Variants in CDH12 observed in about 807,000 individuals in gnomAD.
The protein encoded by CDH12 is cadherin 12.
Under a neutral mutation model 74.1 loss-of-function variants are expected in CDH12, and 41 were observed. The observed-to-expected ratio is 0.55, with a 90% confidence interval of 0.43 to 0.72. The LOEUF (loss-of-function observed/expected upper bound fraction) is 0.72, where lower values mean the gene tolerates loss of function less well. CDH12 is among the 30% of genes least tolerant of loss of function. The pLI, the probability that CDH12 is intolerant of heterozygous loss-of-function variation, is 0.00. For missense variants in CDH12, 945 were observed against 977.2 expected (o/e 0.97, Z 0.44); for synonymous variants, 399 against 355.0 (o/e 1.12, Z -1.39).
At chr5:22,551,061 A>G (rs1280819843) in intron 1 of CDH12, among the ~76,000 whole-genome samples, 1 of 152,220 alleles carries the variant, frequency 6.6e-6, no homozygotes, top group Non-Finnish European at 1.5e-5. Flanking sequence ...TAGTAATAAT[A>G]GGATGATTTC....
intron 1 of CDH12, among the ~76,000 whole-genome samples, chr5:22,554,241 A>G (rs1374854051): frequency 1.3e-5 from 2 of 152,144 alleles, no homozygotes; most frequent in African/African-American, 4.8e-5. Context: ...AATACATGTT[A>G]TTATACATTA....
At chr5:21,990,498 T>A (rs1370908356) in intron 5 of CDH12, among the ~76,000 whole-genome samples, 1 of 151,956 alleles carries the variant, frequency 6.6e-6, no homozygotes, top group African/African-American at 2.4e-5. Flanking sequence ...ATTTGGAGAA[T>A]ACTGTAGAGA....
At chr5:22,299,264 G>C (rs1030392167) in intron 3 of CDH12, among the ~76,000 whole-genome samples, 9 of 152,046 alleles carry the variant, frequency 5.9e-5, no homozygotes, top group African/African-American at 2.2e-4. Flanking sequence ...GGGTTGGAGA[G>C]AGAGAGATAG....
chr5:22,757,213 A>G (rs1745971799), intron 1 of CDH12, among the ~76,000 whole-genome samples: 1 of 152,130 alleles, frequency 6.6e-6, no homozygotes, highest in South Asian at 2.1e-4. Context: ...GGTAGAGCAC[A>G]TACCACCCCT....
At chr5:22,280,594 C>A (rs1184551227) in intron 3 of CDH12, among the ~76,000 whole-genome samples, 1 of 152,166 alleles carries the variant, frequency 6.6e-6, no homozygotes, top group African/African-American at 2.4e-5. Flanking sequence ...ACTATAAACA[C>A]CTCTATGCAA....
intron 4 of CDH12, among the ~76,000 whole-genome samples, chr5:22,164,525 C>G (rs1215883184): frequency 3.3e-5 from 5 of 152,134 alleles, no homozygotes; most frequent in Non-Finnish European, 5.9e-5. Context: ...GAAAGCTCAG[C>G]TCAAGCCGTA....
intron 1 of CDH12, among the ~76,000 whole-genome samples, chr5:22,793,783 C>G (rs1324978934): frequency 1.3e-5 from 2 of 150,896 alleles, no homozygotes; most frequent in Admixed American, 6.6e-5. Flanking sequence ...ATTTATGGAA[C>G]CACCATCAGA....
rs189889683 is a variant in CDH12, at chr5:22,428,014, T to C, written c.-427-22663A>G. On this transcript the variant is annotated intron_variant, in intron 2 of 14. Coordinates refer to ENST00000382254, the MANE Select transcript of CDH12 (RefSeq NM_004061.5). ...GAGGGACTACTAGTAGGTTCTACTA[T>C]AGTGTTTACTTAACTGGACCCAGTT... is the stretch of plus-strand genomic sequence containing the variant. Among the ~76,000 whole-genome samples the C allele has an allele frequency of 2.0e-5, 3 of 152,276 alleles. No individual in the cohort carries two copies. In the East Asian group the frequency reaches 5.8e-4, roughly 29 times the overall value.
intron 12 of CDH12, among the ~76,000 whole-genome samples, chr5:21,761,359 C>A (rs1010210535): frequency 6.6e-6 from 1 of 152,092 alleles, no homozygotes; most frequent in Non-Finnish European, 1.5e-5. Context: ...TGAGAATCAA[C>A]CTGTGAAATT....
intron 1 of CDH12, among the ~76,000 whole-genome samples, chr5:22,693,275 C>T (rs968341770): frequency 6.6e-5 from 10 of 152,082 alleles, no homozygotes; most frequent in South Asian, 2.1e-4. Flanking sequence ...CATATGGCAC[C>T]GTATTGCAAG....
intron 1 of CDH12, among the ~76,000 whole-genome samples, chr5:22,576,883 T>G (rs1176765824): frequency 6.6e-6 from 1 of 152,174 alleles, no homozygotes; most frequent in Admixed American, 6.5e-5. Flanking sequence ...CTAGCAGAGT[T>G]TGCTTTACGA....
chr5:21,974,992 T>C (rs1756998212), intron 6 of CDH12, 99 bp downstream of exon 6: 7 of 804,162 alleles, frequency 8.7e-6, no homozygotes, highest in Non-Finnish European at 1.4e-5. Context: ...TTGAAAAATA[T>C]TCTTTTAGAT....
At chr5:22,122,943 A>T (rs4701571) in intron 4 of CDH12, among the ~76,000 whole-genome samples, 71,905 of 152,050 alleles carry the variant, frequency 0.47, 17,206 homozygotes, top group Middle Eastern at 0.52. Flanking sequence ...AGACTTTGAA[A>T]TATAGCTAAA....
intron 5 of CDH12, among the ~76,000 whole-genome samples, chr5:22,019,348 C>T (rs1052088184): frequency 6.6e-6 from 1 of 152,176 alleles, no homozygotes; most frequent in Admixed American, 6.5e-5. Flanking sequence ...TTAGAAAATG[C>T]CAGTTAGAAA....
At chr5:22,366,409 G>A (rs959460184) in intron 3 of CDH12, among the ~76,000 whole-genome samples, 1 of 151,832 alleles carries the variant, frequency 6.6e-6, no homozygotes, top group African/African-American at 2.4e-5. Flanking sequence ...CAGACTGATA[G>A]GCAGAAATCC....
chr5:21,779,478 T>C (rs1463752103), intron 11 of CDH12: 1 of 152,210 alleles, frequency 6.6e-6, no homozygotes, highest in South Asian at 2.1e-4. Flanking sequence ...CTCTGTCTCA[T>C]TGAAAATACT....
chr5:22,530,105 G>A (rs1303963882), intron 1 of CDH12, among the ~76,000 whole-genome samples: 1 of 152,060 alleles, frequency 6.6e-6, no homozygotes, highest in Non-Finnish European at 1.5e-5. Flanking sequence ...AGTTAAAGAT[G>A]CATGTCAAAG....
chr5:21,909,928 A>G (rs1299653744), intron 6 of CDH12, among the ~76,000 whole-genome samples: 1 of 152,188 alleles, frequency 6.6e-6, no homozygotes, highest in Non-Finnish European at 1.5e-5. Context: ...CCATTTCAAG[A>G]GCTAGTTGAC....
chr5:22,668,512 G>C (rs1451381020), intron 1 of CDH12, among the ~76,000 whole-genome samples: 2 of 152,152 alleles, frequency 1.3e-5, no homozygotes, highest in Admixed American at 6.5e-5. Flanking sequence ...TCTGCATCTG[G>C]TGGGGGCCTT....
Sources: allele counts gnomAD v4.1 joint callset (sites outside exome capture counted in the v4.1 genomes callset), GRCh38; gene constraint gnomAD v4.1.1; transcripts MANE v1.5; gene names NCBI Gene and HGNC (gene_info 2026-07-23, HGNC 2026-07-21).